ADGRA3: variants seen among roughly 807,000 people sequenced by gnomAD.
ADGRA3 encodes the protein adhesion G protein-coupled receptor A3.
Under a neutral mutation model 119.8 loss-of-function variants are expected in ADGRA3, and 56 were observed. The ratio of observed to expected loss-of-function variants is 0.47; its 90% confidence interval spans 0.38 to 0.58. ADGRA3 has a LOEUF of 0.58. Ranked by LOEUF, ADGRA3 falls within the 20% of genes least tolerant of loss-of-function variation. ADGRA3 has a pLI of 0.00. For missense variants in ADGRA3, 1,516 were observed against 1,649.0 expected (o/e 0.92, Z 1.40); for synonymous variants, 607 against 623.8 (o/e 0.97, Z 0.40).
chr4:22,504,970 T>G (rs1369810654), intron 1 of ADGRA3, among the ~76,000 whole-genome samples: 2 of 152,124 alleles, frequency 1.3e-5, no homozygotes, highest in Non-Finnish European at 2.9e-5. Flanking sequence ...GTTGAAAACC[T>G]CAACCGCAAA....
chr4:22,512,493 G>A (rs1180501853), intron 1 of ADGRA3, among the ~76,000 whole-genome samples: 1 of 152,182 alleles, frequency 6.6e-6, no homozygotes, highest in Admixed American at 6.5e-5. Flanking sequence ...GATCTTACTT[G>A]TAAACAGGGT....
At chr4:22,435,529 T>C in intron 9 of ADGRA3, 63 bp from the exon 10 acceptor site, 5 of 1,379,772 alleles carry the variant, frequency 3.6e-6, no homozygotes, top group Non-Finnish European at 4.0e-6. Flanking sequence ...AACACAATCC[T>C]GACATTTTAA....
chr4:22,500,763 A>T (rs1469742052), intron 1 of ADGRA3, among the ~76,000 whole-genome samples: 2 of 152,192 alleles, frequency 1.3e-5, no homozygotes, highest in African/African-American at 4.8e-5. Context: ...GGGCATTTCC[A>T]GAAGAGATTA....
intron 1 of ADGRA3, among the ~76,000 whole-genome samples, chr4:22,489,728 T>C (rs946428453): frequency 4.6e-5 from 7 of 152,182 alleles, no homozygotes; most frequent in African/African-American, 1.7e-4. Context: ...TCAATATCTT[T>C]CCTACAGATT....
intron 7 of ADGRA3, among the ~76,000 whole-genome samples, chr4:22,439,465 TA>T (rs1309965562): frequency 6.6e-6 from 1 of 152,180 alleles, no homozygotes; most frequent in Admixed American, 6.6e-5. Context: ...ACACAAATGA[TA>T]AGAAATAATT....
chr4:22,412,393 T>C (rs987731468), intron 14 of ADGRA3, among the ~76,000 whole-genome samples: 3 of 152,162 alleles, frequency 2.0e-5, no homozygotes, highest in Non-Finnish European at 2.9e-5. Context: ...ACTGTTATTT[T>C]ACCCCCCAAA....
Position 22,401,631 on chromosome 4 carries a change from A to G in ADGRA3, c.2358-77T>C, listed in dbSNP as rs1714653943. On this transcript the variant is annotated intron_variant, in intron 15 of 18. Transcript: ENST00000334304. ...AAACTATGATGTTCATCTTAATTCC[A>G]ACTTCATCAAAGGTAAAAGTTAAAT... 1.0e-5 allele frequency: 11 copies of G among 1,095,140 alleles called. No homozygotes were observed. The East Asian group carries it at 2.7e-4, about 27-fold the overall frequency. 67.8% of individuals were successfully genotyped at this position (1,095,140 alleles called of 1,614,324 possible).
Position 22,388,406 on chromosome 4 carries a change from A to G in ADGRA3, c.3265T>C (p.Cys1089Arg). The change falls in exon 19 of 19, where the codon TGC (cysteine) becomes CGC (arginine). Residue 1089 changes from cysteine to arginine, a missense_variant. Cys to Arg is a radical substitution (Grantham distance 180, BLOSUM62 -3). Around this residue, in one of 2 missense-constraint regions of ADGRA3, gnomAD observed 1,088 missense variants for 1,107.1 expected, o/e 0.98. Transcript: ENST00000334304. ...SNGTNGEAPKCPNSSAESSCT... is the reference protein window; with the variant it reads ...SNGTNGEAPKRPNSSAESSCT... ...GAAGACTCCGCACTGCTATTGGGGC[A>G]TTTGGGTGCCTCTCCATTCGTCCCA... 1 of 1,614,064 alleles carries G rather than the reference A, an allele frequency of 6.2e-7. No individual in the cohort carries two copies. Among genetic ancestry groups the G allele is most frequent in the Non-Finnish European group, 8.5e-7 (1 of 1,179,996 alleles).
At chr4:22,491,898 G>A (rs895944794) in intron 1 of ADGRA3, among the ~76,000 whole-genome samples, 4 of 152,146 alleles carry the variant, frequency 2.6e-5, no homozygotes, top group African/African-American at 2.4e-5. Context: ...TGAGAAGAAC[G>A]GATTTCTTTC....
intron 1 of ADGRA3, among the ~76,000 whole-genome samples, chr4:22,513,246 A>C (rs1719514320): frequency 6.7e-6 from 1 of 150,374 alleles, no homozygotes; most frequent in Middle Eastern, 3.2e-3. Flanking sequence ...CCTTGGGTTC[A>C]AGCAATTCTC....
At chr4:22,417,790 G>C (rs540877423) in intron 12 of ADGRA3, among the ~76,000 whole-genome samples, 135 of 152,116 alleles carry the variant, frequency 8.9e-4, no homozygotes, top group Non-Finnish European at 1.2e-3. Flanking sequence ...GTTTTAAAGG[G>C]AGAGTAGCAG....
chr4:22,420,281 T>C (rs1421620213), intron 12 of ADGRA3: 1 of 152,288 alleles, frequency 6.6e-6, no homozygotes, highest in Non-Finnish European at 1.5e-5. Flanking sequence ...GCCTCCTCTA[T>C]TTGCTTCAAT....
At chr4:22,449,457 T>C (rs998703692) in intron 4 of ADGRA3, among the ~76,000 whole-genome samples, 1 of 152,124 alleles carries the variant, frequency 6.6e-6, no homozygotes, top group Non-Finnish European at 1.5e-5. Context: ...TACACACACA[T>C]TCCTTATATG....
At chr4:22,502,183 C>T (rs1474854326) in intron 1 of ADGRA3, among the ~76,000 whole-genome samples, 2 of 152,164 alleles carry the variant, frequency 1.3e-5, no homozygotes, top group African/African-American at 4.8e-5. Flanking sequence ...ACCCAAACCA[C>T]GTAAGGGTGA....
chr4:22,450,508 C>T (rs1291865134), intron 4 of ADGRA3, among the ~76,000 whole-genome samples: 2 of 152,136 alleles, frequency 1.3e-5, no homozygotes, highest in African/African-American at 2.4e-5. Flanking sequence ...TCAAGTGATC[C>T]GCTTGCCTCA....
intron 16 of ADGRA3, chr4:22,394,277 A>C (rs922376144): frequency 1.3e-5 from 2 of 152,224 alleles, no homozygotes; most frequent in African/African-American, 4.8e-5. Flanking sequence ...TGAAAGCCCA[A>C]ATCTTCTTTT....
At chr4:22,428,673 A>G (rs975306084) in intron 10 of ADGRA3, among the ~76,000 whole-genome samples, 7 of 152,208 alleles carry the variant, frequency 4.6e-5, no homozygotes, top group African/African-American at 1.7e-4. Context: ...TACTGAGATC[A>G]TACCTATTTC....
chr4:22,468,413 C>A (rs1037659659), intron 2 of ADGRA3, among the ~76,000 whole-genome samples: 4 of 152,234 alleles, frequency 2.6e-5, no homozygotes, highest in African/African-American at 9.6e-5. Flanking sequence ...GGAGGTATGT[C>A]ACTAAATACT....
chr4:22,413,387 C>G lies in ADGRA3; in HGVS notation c.2027G>C (p.Gly676Ala). Residue 676 changes from glycine (G) to alanine (A), a missense_variant, in exon 14 of 19, where the codon GGT becomes GCT. Gly to Ala is a moderately conservative substitution (Grantham distance 60). This residue lies in a region of ADGRA3 where 1,088 missense variants were observed against 1,107.1 expected (regional missense o/e 0.98). Transcript: ENST00000334304. The stretch of plus-strand genomic sequence containing the variant: ...GATGTGGTGGGTATCTACATTCACA[C>G]CATCTGGAGAAAATGGGAAATAAAA... ...VTPVILTKID[G>A]VNVDTHHIPV... The G allele has an allele frequency of 6.2e-7, 1 of 1,611,848 alleles. No individual in the cohort carries two copies. The highest frequency in any genetic ancestry group is 8.5e-7 in the Non-Finnish European group (1 of 1,178,016).
Sources: gnomAD v4.1 joint callset for allele counts (sites outside exome capture counted in the v4.1 genomes callset) on GRCh38, gnomAD v4.1.1 for gene constraint, gnomAD v4.1.1 regional missense constraint, MANE v1.5 for transcripts, NCBI Gene and HGNC (gene_info 2026-07-23, HGNC 2026-07-21) for gene names.